Variants in CAND1 observed in about 807,000 individuals in gnomAD.
CAND1 encodes the protein cullin-associated NEDD8-dissociated protein 1.
Under a neutral mutation model 108.5 loss-of-function variants are expected in CAND1, and 7 were observed. The observed-to-expected ratio is 0.06, with a 90% CI of 0.04 to 0.12. The LOEUF is 0.12. Ranked by LOEUF, CAND1 falls within the 10% of genes least tolerant of loss-of-function variation. The pLI is 1.00. For missense variants in CAND1, 941 were observed against 1,448.7 expected, an observed-to-expected ratio of 0.65 and a Z score of 5.69; for synonymous variants, 534 against 512.0, an observed-to-expected ratio of 1.04 and a Z score of -0.58.
chr12:67,282,950 C>T (rs2044634054), intron 2 of CAND1, among the ~76,000 whole-genome samples: 1 of 152,086 alleles, frequency 6.6e-6, no homozygotes, highest in African/African-American at 2.4e-5. Flanking sequence ...AATTTGAGTT[C>T]TCAATAAATT....
chr12:67,272,122 C>T (rs1397537469), intron 1 of CAND1, among the ~76,000 whole-genome samples: 2 of 152,304 alleles, frequency 1.3e-5, no homozygotes, highest in Non-Finnish European at 2.9e-5. Context: ...CTAGAAGGAT[C>T]TTGAGGGCAA....
intron 1 of CAND1, among the ~76,000 whole-genome samples, chr12:67,279,747 A>G (rs1592604712): frequency 1.3e-5 from 2 of 152,292 alleles, no homozygotes; most frequent in African/African-American, 2.4e-5. Flanking sequence ...TAGACAGTGA[A>G]TAAATAAACA....
At chr12:67,292,569 C>T in intron 2 of CAND1, 53 bp from the exon 3 acceptor site, 1 of 1,352,170 alleles carries the variant, frequency 7.4e-7, no homozygotes. Context: ...ATGTATTTTC[C>T]TGTTTTTGTG....
chr12:67,286,047 G>A (rs1343934174), intron 2 of CAND1, among the ~76,000 whole-genome samples: 2 of 151,910 alleles, frequency 1.3e-5, no homozygotes, highest in Non-Finnish European at 2.9e-5. Context: ...TCGCTCAGTC[G>A]CCCTGGCTGG....
At position 67,306,319 on chromosome 12, in the gene CAND1, G is replaced by C; in HGVS notation, c.2651G>C (p.Ser884Thr). The C allele has an allele frequency of 6.2e-7, 1 of 1,614,158 alleles. No individual in the cohort carries two copies. Among genetic ancestry groups the C allele is most frequent in the South Asian group, 1.1e-5 (1 of 91,086 alleles). The change falls in exon 10 of 15, where the codon AGT becomes ACT. Residue 884 changes from serine to threonine, a missense_variant. Ser to Thr is a moderately conservative substitution (Grantham distance 58). Coordinates refer to ENST00000545606, the MANE Select transcript of CAND1 (RefSeq NM_018448.5). Reference sequence around the variant, plus strand: ...GCATCCTATGCATTAGGCAGCATTAGTGTGGGCAACCTTCCTGAATATCTG... The same window carrying C: ...GCATCCTATGCATTAGGCAGCATTACTGTGGGCAACCTTCCTGAATATCTG... ...SAASYALGSI[S>T]VGNLPEYLPF...
At chr12:67,293,702 G>A (rs1054772209) in intron 3 of CAND1, among the ~76,000 whole-genome samples, 7 of 152,066 alleles carry the variant, frequency 4.6e-5, no homozygotes, top group Non-Finnish European at 7.3e-5. Context: ...GTGGTGAGCC[G>A]AGATGGTGCC....
chr12:67,285,219 G>A (rs1259192944), intron 2 of CAND1, among the ~76,000 whole-genome samples: 1 of 152,150 alleles, frequency 6.6e-6, no homozygotes, highest in East Asian at 1.9e-4. Context: ...TAAGATTACA[G>A]TTTTCTGTTG....
chr12:67,299,130 G>A lies in CAND1; in HGVS notation c.1000+35G>A, dbSNP rs367933735. Reference sequence around the variant, plus strand: ...ATTAAATAGAATCTTTTGAGTTTTTGTGAAAGACACTTATAGATGGAGATG... The same window carrying A: ...ATTAAATAGAATCTTTTGAGTTTTTATGAAAGACACTTATAGATGGAGATG... On this transcript the variant is annotated intron_variant, in intron 7 of 14. Transcript: ENST00000545606. The A allele has an allele frequency of 4.2e-4, 629 of 1,487,024 alleles. 7 individuals are homozygous for A. In the South Asian group the frequency reaches 7.7e-3, roughly 18 times the overall value. 92.1% of individuals were successfully genotyped at this position (1,487,024 alleles called of 1,614,324 possible).
At chr12:67,311,026 T>G (rs1369240262) in intron 13 of CAND1, 2 of 152,080 alleles carry the variant, frequency 1.3e-5, no homozygotes, top group Non-Finnish European at 2.9e-5. Context: ...CTTTTTCATC[T>G]ACTCTTCCAT....
intron 14 of CAND1, 79 bp downstream of exon 14, chr12:67,311,879 A>G (rs2044954100): frequency 1.2e-5 from 10 of 810,462 alleles, no homozygotes; most frequent in Non-Finnish European, 2.0e-5. Context: ...CTAGCTTTCC[A>G]AATATAACTA....
At chr12:67,284,559 A>G (rs189084125) in intron 2 of CAND1, among the ~76,000 whole-genome samples, 3 of 152,318 alleles carry the variant, frequency 2.0e-5, no homozygotes, top group Non-Finnish European at 2.9e-5. Flanking sequence ...AGAACTTCCA[A>G]AAACCAGCAT....
In CAND1 at chr12:67,297,554, T is replaced by A; in HGVS notation, c.639T>A (p.Asp213Glu). 1 of 1,614,136 alleles carries A rather than the reference T, an allele frequency of 6.2e-7. No individual in the cohort carries two copies. Among genetic ancestry groups the A allele is most frequent in the Non-Finnish European group, 8.5e-7 (1 of 1,180,006 alleles). ...VMSCGNIVFVDLIEHLLSELS... is the reference protein window; with the variant it reads ...VMSCGNIVFVELIEHLLSELS... ...GCTGTGGAAATATAGTTTTTGTAGA[T>A]CTTATTGAACATCTGTTGTCAGAGT... The change falls in exon 5 of 15, where the codon GAT becomes GAA. Residue 213 changes from aspartate to glutamate, a missense_variant. Asp to Glu is a conservative substitution (Grantham distance 45). Transcript: ENST00000545606.
intron 11 of CAND1, among the ~76,000 whole-genome samples, chr12:67,308,649 C>G (rs2044914493): frequency 6.6e-6 from 1 of 151,972 alleles, no homozygotes; most frequent in Admixed American, 6.6e-5. Context: ...ATTGCTAGTT[C>G]ATGACACCAT....
chr12:67,277,690 C>T (rs2044582630), intron 1 of CAND1, among the ~76,000 whole-genome samples: 1 of 152,198 alleles, frequency 6.6e-6, no homozygotes, highest in Non-Finnish European at 1.5e-5. Flanking sequence ...CACCACTCGA[C>T]ACTCATCCAA....
In CAND1 at chr12:67,309,078, G is replaced by A. The variant is rs147527095; in HGVS notation, c.3026-823G>A. ...AGACATTGTCTTCAACAATATATGC[G>A]CCGTTTATTCTGCTCAGTATAGCTC... On this transcript the variant is annotated intron_variant, in intron 11 of 14. Coordinates refer to ENST00000545606, the MANE Select transcript of CAND1 (RefSeq NM_018448.5). 2.7e-3 allele frequency among the ~76,000 whole-genome samples: 407 copies of A among 152,008 alleles called. 1 individual carries two copies. The highest frequency in any genetic ancestry group is 8.9e-3 in the African/African-American group (368 of 41,482).
chr12:67,312,898 A>G lies in CAND1; in HGVS notation c.*68A>G, dbSNP rs2044967467. The G allele has an allele frequency of 2.0e-6, 2 of 1,006,562 alleles. No homozygotes were observed. Among genetic ancestry groups the G allele is most frequent in the East Asian group, 5.0e-5 (2 of 39,760 alleles). 62.4% of individuals were successfully genotyped at this position (1,006,562 alleles called of 1,614,324 possible). A position where few individuals can be genotyped will look rare whatever the true frequency, so the allele number is the denominator to read the frequency against. On this transcript the variant is annotated 3_prime_UTR_variant, in exon 15 of 15. Transcript: ENST00000545606. ...GCACTGAATTGACAGGTTAATCATA[A>G]GACATGGAAAGAGAAGTGTCTAAAA...
In CAND1 at chr12:67,302,513, A is replaced by G; in HGVS notation, c.1191A>G (p.Ala397=). 3.1e-6 allele frequency: 5 copies of G among 1,614,138 alleles called. No individual in the cohort carries two copies. Among genetic ancestry groups the G allele is most frequent in the Non-Finnish European group, 4.2e-6 (5 of 1,179,970 alleles). The change falls in exon 8 of 15, where the codon GCA becomes GCG. Residue 397 remains alanine, a synonymous_variant. Transcript: ENST00000545606. The part of the protein sequence containing the change: ...EENVKADVFH[A]YLSLLKQTRP... ...ATGTAAAGGCAGATGTTTTTCACGC[A>G]TACCTTTCTCTTTTGAAGCAAACTC...
chr12:67,284,267 A>C (rs2044647209), intron 2 of CAND1, among the ~76,000 whole-genome samples: 1 of 152,034 alleles, frequency 6.6e-6, no homozygotes, highest in African/African-American at 2.4e-5. Context: ...ATCCTGACTA[A>C]TGATAATACT....
At chr12:67,312,312 A>G (rs891707867) in intron 14 of CAND1, among the ~76,000 whole-genome samples, 3 of 152,120 alleles carry the variant, frequency 2.0e-5, no homozygotes. Context: ...TGGGGGCTAA[A>G]GTGTGAGACT....
Sources: allele counts gnomAD v4.1 joint callset (sites outside exome capture counted in the v4.1 genomes callset), GRCh38; gene constraint gnomAD v4.1.1; transcripts MANE v1.5; gene names NCBI Gene and HGNC (gene_info 2026-07-23, HGNC 2026-07-21).